Variants in CTXND1 observed in about 807,000 individuals in gnomAD.
CTXND1 encodes the protein cortexin domain-containing 1 protein.
chr15:80,237,021 A>G (rs1893506450), intron 1 of CTXND1, among the ~76,000 whole-genome samples: 1 of 151,934 alleles, frequency 6.6e-6, no homozygotes, highest in Admixed American at 6.6e-5. Flanking sequence ...GTTATTTAAG[A>G]GGATACTCCT....
intron 1 of CTXND1, among the ~76,000 whole-genome samples, chr15:80,221,424 A>C (rs1893317525): frequency 6.6e-6 from 1 of 152,240 alleles, no homozygotes; most frequent in African/African-American, 2.4e-5. Flanking sequence ...CATTATAAAA[A>C]TGATTTGTTT....
chr15:80,229,362 A>G (rs1893404930), intron 1 of CTXND1, among the ~76,000 whole-genome samples: 1 of 152,202 alleles, frequency 6.6e-6, no homozygotes, highest in South Asian at 2.1e-4. Flanking sequence ...AAACCTTTAA[A>G]GCAATGTGAC....
chr15:80,243,439 G>A (rs938469949), intron 1 of CTXND1, among the ~76,000 whole-genome samples: 3 of 152,148 alleles, frequency 2.0e-5, no homozygotes, highest in Non-Finnish European at 2.9e-5. Context: ...GGCCACTCAC[G>A]GGGTGAGTGG....
At chr15:80,221,224 T>C (rs1893314611) in intron 1 of CTXND1, among the ~76,000 whole-genome samples, 2 of 152,178 alleles carry the variant, frequency 1.3e-5, no homozygotes, top group Admixed American at 6.6e-5. Context: ...TATTAATTTA[T>C]TTGTTAGAAG....
intron 1 of CTXND1, among the ~76,000 whole-genome samples, chr15:80,238,992 G>A (rs1057030071): frequency 7.2e-5 from 11 of 152,182 alleles, no homozygotes; most frequent in Non-Finnish European, 1.5e-4. Flanking sequence ...ATGGATCCCC[G>A]TTGTTAAGCA....
chr15:80,203,262 G>A (rs956252241), intron 2 of CTXND1, among the ~76,000 whole-genome samples: 10 of 152,148 alleles, frequency 6.6e-5, no homozygotes, highest in Admixed American at 5.9e-4. Flanking sequence ...TCTGTGCTTC[G>A]TGTTCTGTCT....
At chr15:80,249,288 C>T (rs1893667718) in intron 1 of CTXND1, among the ~76,000 whole-genome samples, 1 of 152,160 alleles carries the variant, frequency 6.6e-6, no homozygotes, top group Non-Finnish European at 1.5e-5. Context: ...GAACTCAGCT[C>T]TTTTCCATCA....
intron 2 of CTXND1, 46 bp from the exon 3 acceptor site, chr15:80,202,060 T>A (rs990352596): frequency 4.0e-5 from 16 of 397,316 alleles, no homozygotes; most frequent in Non-Finnish European, 5.3e-5. Flanking sequence ...CATGGTCAGG[T>A]GCCTGGGGTG....
rs145382462 is a variant in CTXND1 at position 80,233,668 on chromosome 15, G to T, written c.-218+18339C>A. 2.4e-4 allele frequency among the ~76,000 whole-genome samples: 37 copies of T among 152,286 alleles called. No individual in the cohort carries two copies. The East Asian group carries it at 6.8e-3, about 28-fold the overall frequency. ...AGGCTCGGATTCTGCCCTACAAAGA[G>T]ACTGGGGGAGCTAGACAAGCCCACT... On this transcript the variant is annotated intron_variant, in intron 1 of 2. Coordinates refer to ENST00000560778, the MANE Select transcript of CTXND1 (RefSeq NM_001352888.2).
intron 1 of CTXND1, among the ~76,000 whole-genome samples, chr15:80,251,170 T>C (rs990019721): frequency 6.6e-6 from 1 of 152,174 alleles, no homozygotes; most frequent in Admixed American, 6.5e-5. Flanking sequence ...TGTGGCCCTA[T>C]TGCACGCCTG....
chr15:80,205,156 T>A (rs2142122410), intron 1 of CTXND1, among the ~76,000 whole-genome samples: 1 of 152,372 alleles, frequency 6.6e-6, no homozygotes, highest in Middle Eastern at 3.4e-3. Context: ...TGGAGATTAT[T>A]TCATGTCAGT....
chr15:80,233,238 C>A (rs1282078066), intron 1 of CTXND1, among the ~76,000 whole-genome samples: 1 of 152,102 alleles, frequency 6.6e-6, no homozygotes, highest in Non-Finnish European at 1.5e-5. Flanking sequence ...TGTGCCTGGC[C>A]AATGCAACTT....
At chr15:80,210,970 A>C (rs1158214805) in intron 1 of CTXND1, among the ~76,000 whole-genome samples, 2 of 152,174 alleles carry the variant, frequency 1.3e-5, no homozygotes, top group African/African-American at 2.4e-5. Context: ...TGACTCATGT[A>C]ACCTTAATTA....
intron 1 of CTXND1, among the ~76,000 whole-genome samples, chr15:80,212,383 AC>A (rs1893211438): frequency 6.6e-6 from 1 of 152,226 alleles, no homozygotes; most frequent in Non-Finnish European, 1.5e-5. Context: ...TCAAACTTCC[AC>A]TGAAAGCCAC....
intron 1 of CTXND1, among the ~76,000 whole-genome samples, chr15:80,243,802 C>T (rs1893597705): frequency 6.6e-6 from 1 of 152,188 alleles, no homozygotes; most frequent in South Asian, 2.1e-4. Flanking sequence ...TCTCTGTACC[C>T]TTCTCATGAT....
intron 1 of CTXND1, among the ~76,000 whole-genome samples, chr15:80,230,093 TTTTA>T (rs1361952237): frequency 6.6e-6 from 1 of 152,218 alleles, no homozygotes. Context: ...TTCTAGATAC[TTTTA>T]TAGACATTCC....
intron 1 of CTXND1, among the ~76,000 whole-genome samples, chr15:80,242,600 C>A (rs536959110): frequency 2.6e-5 from 4 of 152,334 alleles, no homozygotes; most frequent in Admixed American, 2.6e-4. Context: ...ACGGGGCCCT[C>A]TGGTAGATCG....
At chr15:80,230,938 G>T (rs1893421345) in intron 1 of CTXND1, among the ~76,000 whole-genome samples, 1 of 152,060 alleles carries the variant, frequency 6.6e-6, no homozygotes, top group African/African-American at 2.4e-5. Flanking sequence ...CACACCTGTA[G>T]TCCCTGCTAC....
chr15:80,210,579 T>C (rs956343055), intron 1 of CTXND1, among the ~76,000 whole-genome samples: 1 of 152,184 alleles, frequency 6.6e-6, no homozygotes, highest in African/African-American at 2.4e-5. Flanking sequence ...CGCTGTATAG[T>C]GTGCGGAGCT....
Sources: allele counts gnomAD v4.1 joint callset (sites outside exome capture counted in the v4.1 genomes callset), GRCh38; gene constraint gnomAD v4.1.1; transcripts MANE v1.5; gene names NCBI Gene and HGNC (gene_info 2026-07-23, HGNC 2026-07-21).